The following EXOG variants were observed in gnomAD, a reference collection of about 807,000 sequenced individuals.
The protein encoded by EXOG is exo/endonuclease G.
Under a neutral mutation model 25.8 loss-of-function variants are expected in EXOG, and 27 were observed. The observed-to-expected ratio is 1.05, with a 90% confidence interval of 0.77 to 1.45. The LOEUF is 1.45. EXOG is among the 40% of genes most tolerant of loss of function. The pLI is 0.00. For synonymous variants in EXOG, 133 were observed against 167.0 expected, an observed-to-expected ratio of 0.80 and a Z score of 1.57; for missense variants, 458 against 450.5, an observed-to-expected ratio of 1.02 and a Z score of -0.15.
chr3:38,496,787 TC>T, intron 1 of EXOG: 3 of 1,438,384 alleles, frequency 2.1e-6, no homozygotes, highest in South Asian at 1.3e-5. Context: ...CCGACTTTCT[TC>T]CCCCCAGTTA....
Position 38,525,267 on chromosome 3 carries a change from A to G in EXOG, c.*905A>G, listed in dbSNP as rs2060843052. On this transcript the variant is annotated 3_prime_UTR_variant, in exon 6 of 6. Coordinates refer to ENST00000287675, the MANE Select transcript of EXOG (RefSeq NM_005107.4). Reference sequence around the variant, plus strand: ...TTTCCAAAGTAGTCATCCACAAAGTATGAGGCAGACAGATCTAAGAGAAGA... The same window carrying G: ...TTTCCAAAGTAGTCATCCACAAAGTGTGAGGCAGACAGATCTAAGAGAAGA... The G allele has an allele frequency of 2.0e-6, 2 of 985,358 alleles. No individual in the cohort carries two copies. The highest frequency in any genetic ancestry group is 4.7e-5 in the South Asian group (1 of 21,290). 61.0% of individuals were successfully genotyped at this position (985,358 alleles called of 1,614,324 possible).
At position 38,525,356 on chromosome 3, in the gene EXOG, A is replaced by G. The variant is rs541793584; in HGVS notation, c.*994A>G. 4.1e-6 allele frequency: 4 copies of G among 985,176 alleles called. No homozygotes were observed. In the African/African-American group the frequency reaches 7.0e-5, roughly 17 times the overall value. 61.0% of individuals were successfully genotyped at this position (985,176 alleles called of 1,614,324 possible). A position where few individuals can be genotyped will look rare whatever the true frequency, so the allele number is the denominator to read the frequency against. ...ATGGTGGCTTTTTACTCAGAAATAT[A>G]TACCTATTTCCATGGGTATTTGTGG... is the stretch of plus-strand genomic sequence containing the variant. On this transcript the variant is annotated 3_prime_UTR_variant, in exon 6 of 6. Transcript: ENST00000287675.
intron 5 of EXOG, 125 bp from the exon 6 acceptor site, chr3:38,523,776 C>A (rs1196925935): frequency 1.6e-6 from 1 of 613,002 alleles, no homozygotes. Context: ...AATTTAAATT[C>A]ATTAGAACAG....
At chr3:38,512,209 C>A (rs1383049160) in intron 5 of EXOG, among the ~76,000 whole-genome samples, 1 of 152,072 alleles carries the variant, frequency 6.6e-6, no homozygotes, top group African/African-American at 2.4e-5. Flanking sequence ...TCATAACTGG[C>A]AAACTATCTT....
Position 38,503,698 on chromosome 3 carries a change from G to A in EXOG, c.530+7G>A. 1.3e-6 allele frequency: 2 copies of A among 1,508,170 alleles called. No homozygotes were observed. Among genetic ancestry groups the A allele is most frequent in the Non-Finnish European group, 1.8e-6 (2 of 1,085,144 alleles). 93.4% of individuals were successfully genotyped at this position (1,508,170 alleles called of 1,614,324 possible). A position where few individuals can be genotyped will look rare whatever the true frequency, so the allele number is the denominator to read the frequency against. ...ATTCTGGATATTGGAACAGGTGAGGGATGAGAGTTTTAAAAACATGATTCT... is the reference window on the plus strand; with the variant it reads ...ATTCTGGATATTGGAACAGGTGAGGAATGAGAGTTTTAAAAACATGATTCT... On this transcript the variant is annotated splice_region_variant and intron_variant, in intron 4 of 5. Coordinates refer to ENST00000287675, the MANE Select transcript of EXOG (RefSeq NM_005107.4).
At chr3:38,515,272 A>G (rs1001773363) in intron 5 of EXOG, among the ~76,000 whole-genome samples, 8 of 152,028 alleles carry the variant, frequency 5.3e-5, no homozygotes, top group Admixed American at 5.2e-4. Flanking sequence ...ATTTTATTTT[A>G]ATGAGGATGA....
chr3:38,523,391 T>A, intron 5 of EXOG: 2 of 892,968 alleles, frequency 2.2e-6, no homozygotes, highest in Non-Finnish European at 2.7e-6. Context: ...TGAGGTGGAG[T>A]CTTGCTCTGT....
intron 5 of EXOG, among the ~76,000 whole-genome samples, chr3:38,516,517 G>C (rs2060548256): frequency 6.6e-6 from 1 of 152,022 alleles, no homozygotes; most frequent in Non-Finnish European, 1.5e-5. Context: ...ACCTGTTTTT[G>C]TTTTCTGAAC....
intron 5 of EXOG, chr3:38,515,584 T>C: frequency 5.4e-6 from 1 of 183,680 alleles, no homozygotes. Flanking sequence ...GCGGTTCTCC[T>C]CAGTGGTGTC....
Position 38,524,675 on chromosome 3 carries a change from TCCCCC to T in EXOG, c.*314_*318del. Reference sequence around the variant, plus strand: ...GAATCCTAAATTTATGACTAAAAATTCCCCCAAAAGATGAAAGATCTACAATGTTT... The same window carrying T: ...GAATCCTAAATTTATGACTAAAAATTAAAAGATGAAAGATCTACAATGTTT... On this transcript the variant is annotated 3_prime_UTR_variant, in exon 6 of 6. Coordinates refer to ENST00000287675, the MANE Select transcript of EXOG (RefSeq NM_005107.4). 1 of 1,036,162 alleles carries T rather than the reference TCCCCC, an allele frequency of 9.7e-7. No individual in the cohort carries two copies. The highest frequency in any genetic ancestry group is 1.2e-6 in the Non-Finnish European group (1 of 863,838). The allele number at this position is 1,036,162 out of a possible 1,614,324, so 64.2% of individuals were successfully genotyped here. A position where few individuals can be genotyped will look rare whatever the true frequency, so the allele number is the denominator to read the frequency against.
In EXOG at chr3:38,524,384, T is replaced by C. The variant is rs1394193024; in HGVS notation, c.*22T>C. 2 of 1,573,792 alleles carry C rather than the reference T, an allele frequency of 1.3e-6. No homozygotes were observed. The highest frequency in any genetic ancestry group is 1.2e-5 in the South Asian group (1 of 83,226). ...CTAGTTTTTATCTCAAGATGTGTCA[T>C]ACCGTCTGTAATGAAGCAGGCATGC... On this transcript the variant is annotated 3_prime_UTR_variant, in exon 6 of 6. Coordinates refer to ENST00000287675, the MANE Select transcript of EXOG (RefSeq NM_005107.4).
At chr3:38,511,984 A>G (rs1457183292) in intron 5 of EXOG, among the ~76,000 whole-genome samples, 2 of 152,208 alleles carry the variant, frequency 1.3e-5, no homozygotes, top group Non-Finnish European at 1.5e-5. Flanking sequence ...TCATAAACCT[A>G]TGATTTCTAA....
chr3:38,508,736 A>G (rs2060281274), intron 5 of EXOG, among the ~76,000 whole-genome samples: 1 of 146,874 alleles, frequency 6.8e-6, no homozygotes, highest in Non-Finnish European at 1.5e-5. Flanking sequence ...AAAAACCAAA[A>G]CTTTTAGAGT....
chr3:38,498,645 A>G (rs1423173895), intron 2 of EXOG: 2 of 208,586 alleles, frequency 9.6e-6, no homozygotes, highest in Admixed American at 1.1e-4. Flanking sequence ...TGAAGAGTGA[A>G]CGGAAATTAC....
chr3:38,508,731 C>A (rs13068720), intron 5 of EXOG, among the ~76,000 whole-genome samples: 3 of 132,862 alleles, frequency 2.3e-5, no homozygotes, highest in East Asian at 2.7e-4. Context: ...CAAAAAAAAA[C>A]CAAAACTTTT....
intron 5 of EXOG, chr3:38,523,282 C>G: frequency 7.8e-7 from 1 of 1,287,786 alleles, no homozygotes; most frequent in Non-Finnish European, 1.0e-6. Context: ...ATTAAAAAAC[C>G]AGGACTCACT....
intron 5 of EXOG, among the ~76,000 whole-genome samples, chr3:38,517,376 A>T (rs903224046): frequency 6.6e-6 from 1 of 152,160 alleles, no homozygotes; most frequent in Non-Finnish European, 1.5e-5. Flanking sequence ...TGTCCTTTTG[A>T]TGCATCCTCA....
chr3:38,522,035 G>C (rs529352534), intron 5 of EXOG, among the ~76,000 whole-genome samples: 1 of 152,268 alleles, frequency 6.6e-6, no homozygotes, highest in Admixed American at 6.5e-5. Flanking sequence ...TGAATTTTTG[G>C]GGTGAAATGG....
intron 4 of EXOG, 56 bp downstream of exon 4, chr3:38,503,747 G>A (rs771379363): frequency 3.8e-5 from 39 of 1,031,474 alleles, no homozygotes; most frequent in Non-Finnish European, 5.9e-5. Flanking sequence ...GAAGTGACAG[G>A]AGAATGTACT....
Sources: allele counts gnomAD v4.1 joint callset (sites outside exome capture counted in the v4.1 genomes callset), GRCh38; gene constraint gnomAD v4.1.1; transcripts MANE v1.5; gene names NCBI Gene and HGNC (gene_info 2026-07-23, HGNC 2026-07-21).